The following APBA2 variants were observed in gnomAD, a reference collection of about 807,000 sequenced individuals.
APBA2 encodes amyloid beta precursor protein binding family A member 2.
A neutral mutation model predicts 75.0 loss-of-function variants in APBA2; 30 were observed. The ratio of observed to expected loss-of-function variants is 0.40; its 90% confidence interval spans 0.30 to 0.54. The LOEUF is 0.54. Ranked by LOEUF, APBA2 falls within the 20% of genes least tolerant of loss-of-function variation. The pLI is 0.49. For synonymous variants in APBA2, 444 were observed against 409.6 expected, an observed-to-expected ratio of 1.08 and a Z score of -1.01; for missense variants, 801 against 1,016.1, an observed-to-expected ratio of 0.79 and a Z score of 2.88.
intron 2 of APBA2, among the ~76,000 whole-genome samples, chr15:28,993,405 G>A (rs910010534): frequency 6.6e-6 from 1 of 152,238 alleles, no homozygotes; most frequent in Non-Finnish European, 1.5e-5. Context: ...CTGGGTCCAA[G>A]TGGTAGGTGA....
At chr15:29,016,845 C>G (rs2039685577) in intron 3 of APBA2, among the ~76,000 whole-genome samples, 1 of 152,146 alleles carries the variant, frequency 6.6e-6, no homozygotes, top group South Asian at 2.1e-4. Flanking sequence ...CCGTTTCTCT[C>G]TCCCTGCATT....
intron 6 of APBA2, among the ~76,000 whole-genome samples, chr15:29,086,373 G>T (rs1000260023): frequency 6.6e-6 from 1 of 152,186 alleles, no homozygotes; most frequent in African/African-American, 2.4e-5. Flanking sequence ...GATAATCCAC[G>T]GTTGTTGTTT....
chr15:29,108,226 A>G (rs760228407), intron 12 of APBA2, 44 bp from the exon 13 acceptor site: 2 of 1,612,470 alleles, frequency 1.2e-6, no homozygotes, highest in South Asian at 2.2e-5. Flanking sequence ...GTCAGGCTTG[A>G]TGTCTAAGGC....
chr15:28,957,939 T>C (rs2036261456), intron 2 of APBA2, among the ~76,000 whole-genome samples: 2 of 152,334 alleles, frequency 1.3e-5, no homozygotes, highest in Admixed American at 6.5e-5. Flanking sequence ...ACATTTGGCC[T>C]ATGACTGTGT....
At chr15:29,020,546 C>G (rs1429941299) in intron 3 of APBA2, among the ~76,000 whole-genome samples, 2 of 151,904 alleles carry the variant, frequency 1.3e-5, no homozygotes, top group Non-Finnish European at 2.9e-5. Flanking sequence ...TGGCTCACGC[C>G]CGTAATCCCA....
At chr15:29,053,797 G>T in intron 3 of APBA2, 48 bp from the exon 4 acceptor site, 1 of 1,227,598 alleles carries the variant, frequency 8.1e-7, no homozygotes, top group Non-Finnish European at 1.1e-6. Context: ...CACATGGCTG[G>T]GCTTTGTGGG....
chr15:29,002,022 G>C (rs1473922368), intron 3 of APBA2, among the ~76,000 whole-genome samples: 1 of 152,190 alleles, frequency 6.6e-6, no homozygotes, highest in Non-Finnish European at 1.5e-5. Flanking sequence ...GGATGTTCTT[G>C]AATATAATAG....
chr15:29,062,414 A>C (rs1482063176), intron 4 of APBA2, among the ~76,000 whole-genome samples: 1 of 152,028 alleles, frequency 6.6e-6, no homozygotes, highest in Non-Finnish European at 1.5e-5. Flanking sequence ...ATAAAATCCT[A>C]CGGGTGTGCA....
chr15:28,888,076 C>G (rs564341304), intron 1 of APBA2, among the ~76,000 whole-genome samples: 1 of 152,258 alleles, frequency 6.6e-6, no homozygotes, highest in African/African-American at 2.4e-5. Context: ...TTCTCTGACA[C>G]CCTAGACTCA....
chr15:29,111,991 G>A (rs754222823), intron 13 of APBA2, among the ~76,000 whole-genome samples: 2 of 152,100 alleles, frequency 1.3e-5, no homozygotes, highest in Non-Finnish European at 2.9e-5. Context: ...CTGGAACCCC[G>A]GGCTCCTGCT....
At chr15:29,115,113 C>T (rs1026502714) in intron 14 of APBA2, among the ~76,000 whole-genome samples, 2 of 151,862 alleles carry the variant, frequency 1.3e-5, no homozygotes, top group African/African-American at 4.8e-5. Flanking sequence ...CTGAGGAGCC[C>T]GGCCTACAGA....
chr15:29,113,188 T>A (rs978167892), intron 13 of APBA2, among the ~76,000 whole-genome samples: 1 of 152,040 alleles, frequency 6.6e-6, no homozygotes, highest in African/African-American at 2.4e-5. Context: ...AGTCTCGTGG[T>A]CACAGGCGCT....
rs564762335 is a variant in APBA2, at chr15:29,027,985, T to G, written c.-40-25860T>G. Among the ~76,000 whole-genome samples, 6 of 119,168 alleles carry G rather than the reference T, an allele frequency of 5.0e-5. No individual in the cohort carries two copies. In the East Asian group the frequency reaches 2.0e-3, roughly 41 times the overall value. 78.2% of individuals were successfully genotyped at this position (119,168 alleles called of 152,430 possible). On this transcript the variant is annotated intron_variant, in intron 3 of 14. Coordinates refer to ENST00000683413, the MANE Select transcript of APBA2 (RefSeq NM_001353788.2). ...ATTTTATACATTAACACTCTTTTCGTTTTTTTTTTTAATTTAATTTTTAAG... is the reference window on the plus strand; with the variant it reads ...ATTTTATACATTAACACTCTTTTCGGTTTTTTTTTTAATTTAATTTTTAAG...
At chr15:28,917,150 G>A (rs1044676347) in intron 1 of APBA2, among the ~76,000 whole-genome samples, 16 of 152,262 alleles carry the variant, frequency 1.1e-4, no homozygotes, top group African/African-American at 3.4e-4. Flanking sequence ...GGTTACTAAC[G>A]TTTCCTTTCC....
chr15:29,018,232 A>T (rs2039775268), intron 3 of APBA2, among the ~76,000 whole-genome samples: 1 of 152,172 alleles, frequency 6.6e-6, no homozygotes, highest in Non-Finnish European at 1.5e-5. Flanking sequence ...AGCAATTCTA[A>T]TGTGCAAGCA....
rs11853056 is a variant in APBA2, at chr15:28,928,932, G to A, written c.-95+7183G>A. On this transcript the variant is annotated intron_variant, in intron 2 of 14. Coordinates refer to ENST00000683413, the MANE Select transcript of APBA2 (RefSeq NM_001353788.2). ...CCCAAACTACTGTGGTATGGCCCTGGAGGCTCTGTTCCAGGTCAGTGGATC... is the reference window on the plus strand; with the variant it reads ...CCCAAACTACTGTGGTATGGCCCTGAAGGCTCTGTTCCAGGTCAGTGGATC... Among the ~76,000 whole-genome samples the A allele has an allele frequency of 4.7e-3, 718 of 152,292 alleles. 5 individuals are homozygous for A. The highest frequency in any genetic ancestry group is 0.016 in the African/African-American group (680 of 41,566).
intron 3 of APBA2, among the ~76,000 whole-genome samples, chr15:28,999,442 G>C (rs189599025): frequency 2.6e-5 from 4 of 152,302 alleles, no homozygotes; most frequent in Non-Finnish European, 4.4e-5. Flanking sequence ...AAGAAAAAAT[G>C]AAAATGTCAA....
intron 3 of APBA2, among the ~76,000 whole-genome samples, chr15:29,023,115 A>T (rs554805209): frequency 8.2e-4 from 125 of 152,278 alleles, no homozygotes; most frequent in African/African-American, 2.9e-3. Context: ...CTATAAAGAC[A>T]GGAATATTGT....
chr15:29,062,956 C>T (rs1259499714), intron 4 of APBA2, among the ~76,000 whole-genome samples: 1 of 139,680 alleles, frequency 7.2e-6, no homozygotes, highest in Non-Finnish European at 1.6e-5. Flanking sequence ...GGGAGTTGAT[C>T]TGGTCAGTGT....
Sources: allele counts gnomAD v4.1 joint callset (sites outside exome capture counted in the v4.1 genomes callset), GRCh38; gene constraint gnomAD v4.1.1; transcripts MANE v1.5; gene names NCBI Gene and HGNC (gene_info 2026-07-23, HGNC 2026-07-21).